COL4A4: variants seen among roughly 807,000 people sequenced by gnomAD.
COL4A4 encodes collagen type IV alpha 4 chain, also known as collagen alpha-4(IV) chain.
In COL4A4, 105 loss-of-function variants were observed where a neutral mutation model predicts 192.9. The ratio of observed to expected loss-of-function variants is 0.54; its 90% CI spans 0.46 to 0.64. The LOEUF (loss-of-function observed/expected upper bound fraction) is 0.64, where lower values mean the gene tolerates loss of function less well. Ranked by LOEUF, COL4A4 falls within the 30% of genes least tolerant of loss-of-function variation. The probability of loss-of-function intolerance (pLI) is 0.00; values close to 1 mark genes in which losing one functional copy is unlikely to be tolerated. For missense variants in COL4A4, 1,967 were observed against 2,169.3 expected (o/e 0.91, Z 1.85); for synonymous variants, 762 against 769.9 (o/e 0.99, Z 0.17).
intron 37 of COL4A4, among the ~76,000 whole-genome samples, chr2:227,041,840 GAAAGAAAGAGAAAGAAAGAAAGAAAGAA>G (rs1971252452): frequency 2.7e-5 from 2 of 73,058 alleles, no homozygotes; most frequent in Non-Finnish European, 5.0e-5. Flanking sequence ...AAGAAAGAAA[GAAAGAAAGAGAAAGAAAGAAAGAAAGAA>G]AGAAAGAAAG....
At position 227,069,696 on chromosome 2, in the gene COL4A4, T is replaced by C. The variant is rs149445654; in HGVS notation, c.1988-7098A>G. Among the ~76,000 whole-genome samples, 745 of 152,294 alleles carry C rather than the reference T, an allele frequency of 4.9e-3. 6 individuals carry two copies. Among genetic ancestry groups the C allele is most frequent in the African/African-American group, 0.017 (717 of 41,554 alleles). On this transcript the variant is annotated intron_variant, in intron 25 of 47. Coordinates refer to ENST00000396625, the MANE Select transcript of COL4A4 (RefSeq NM_000092.5). ...GAAAGCTGAAACCAGATCCCTTCCT[T>C]ACACCTTATACAAAAATCAATTCAA...
intron 28 of COL4A4, among the ~76,000 whole-genome samples, chr2:227,058,718 A>C (rs1172447781): frequency 6.6e-6 from 1 of 152,198 alleles, no homozygotes. Flanking sequence ...CCCACCCCAG[A>C]AATAATGAAT....
At chr2:226,978,886 T>C in the COL4A4 span, among the ~76,000 whole-genome samples, 3 of 152,124 alleles carry the variant, frequency 2.0e-5, no homozygotes, top group Non-Finnish European at 4.4e-5. Flanking sequence ...TCCCAGCTAC[T>C]GTGTGGAGAA....
chr2:226,989,352 A>C, the COL4A4 span, among the ~76,000 whole-genome samples: 1 of 152,210 alleles, frequency 6.6e-6, no homozygotes, highest in African/African-American at 2.4e-5. Context: ...CTATAGTTAG[A>C]AATCAGGATC....
At chr2:227,047,127 A>C (rs1302107151) in intron 35 of COL4A4, among the ~76,000 whole-genome samples, 1 of 152,020 alleles carries the variant, frequency 6.6e-6, no homozygotes, top group Non-Finnish European at 1.5e-5. Flanking sequence ...GCATCATTTT[A>C]AATGATAGAG....
rs892465920 is a variant in COL4A4, at chr2:227,076,126, G to GA, written c.1987+1767dup. Among the ~76,000 whole-genome samples, 14 of 151,134 alleles carry GA rather than the reference G, an allele frequency of 9.3e-5. No individual in the cohort carries two copies. The South Asian group carries it at 2.1e-3, about 23-fold the overall frequency. ...ATCATTGACTTTCTTCACAGAATTA[G>GA]AAAAAAAAATTACTTTAAATTTCAC... On this transcript the variant is annotated intron_variant, in intron 25 of 47. Transcript: ENST00000396625.
At chr2:227,030,789 G>A (rs1968120707) in intron 40 of COL4A4, among the ~76,000 whole-genome samples, 191 bp from the exon 41 acceptor site, 1 of 152,228 alleles carries the variant, frequency 6.6e-6, no homozygotes, top group Admixed American at 6.5e-5. Context: ...GAGAAATGGT[G>A]TAGATAATGG....
chr2:227,163,828 A>T (rs1427326003), intron 1 of COL4A4, among the ~76,000 whole-genome samples, 179 bp downstream of exon 1: 1 of 152,156 alleles, frequency 6.6e-6, no homozygotes, highest in Non-Finnish European at 1.5e-5. Flanking sequence ...CACAGCACCC[A>T]GTTAAAGCCC....
At chr2:227,135,324 C>T (rs1278443124) in intron 4 of COL4A4, among the ~76,000 whole-genome samples, 2 of 152,196 alleles carry the variant, frequency 1.3e-5, no homozygotes, top group African/African-American at 4.8e-5. Context: ...CCAGTCTCCT[C>T]CCCTCAGCCT....
chr2:227,024,016 AC>A (rs1350648109), intron 43 of COL4A4, among the ~76,000 whole-genome samples: 2 of 150,016 alleles, frequency 1.3e-5, no homozygotes, highest in Admixed American at 6.6e-5. Flanking sequence ...AAAAAAAAAA[AC>A]AAAAAACAAA....
At position 227,036,020 on chromosome 2, in the gene COL4A4, A is replaced by G. The variant is rs745531661; in HGVS notation, c.3506-2539T>C. Among the ~76,000 whole-genome samples the G allele has an allele frequency of 3.3e-5, 5 of 152,170 alleles. No homozygotes were observed. The South Asian group carries it at 8.3e-4, about 25-fold the overall frequency. ...CCTTTTTACTGAAAGCTTTTTATCA[A>G]TCCCATCTCTAAATCAGAAAGTTGT... On this transcript the variant is annotated intron_variant, in intron 37 of 47. Coordinates refer to ENST00000396625, the MANE Select transcript of COL4A4 (RefSeq NM_000092.5).
At chr2:227,118,927 A>C (rs1171051056) in intron 6 of COL4A4, among the ~76,000 whole-genome samples, 166 bp from the exon 7 acceptor site, 3 of 152,226 alleles carry the variant, frequency 2.0e-5, no homozygotes, top group African/African-American at 4.8e-5. Flanking sequence ...TGTAAAAATA[A>C]AACCTAAATT....
chr2:227,110,598 G>A (rs369109596), intron 9 of COL4A4, among the ~76,000 whole-genome samples: 1 of 151,268 alleles, frequency 6.6e-6, no homozygotes. Flanking sequence ...GGCTAGGCTG[G>A]TCTTGAACTC....
At position 227,005,290 on chromosome 2, in the gene COL4A4, T is replaced by A. The variant is rs530491908; in HGVS notation, c.*2035A>T. The A allele has an allele frequency of 5.9e-5, 9 of 152,236 alleles. No homozygotes were observed. Among genetic ancestry groups the A allele is most frequent in the Admixed American group, 5.2e-4 (8 of 15,298 alleles). The allele number at this position is 152,236 out of a possible 1,614,324, so 9.4% of individuals were successfully genotyped here. On this transcript the variant is annotated 3_prime_UTR_variant, in exon 48 of 48. Transcript: ENST00000396625. ...TGTTTAAAATAATTAGCAAGCAAGA[T>A]ACGTTTCTGATGTTCCATTTGTCAC...
rs1278748622 is a variant in COL4A4, at chr2:227,051,169, T to TG, written c.2969-12dup. ...GAGTTCCTTTATCACCTGATGAAGT[T>TG]GGAAGTGTTACAGGTCTCTGCTGAA... On this transcript the variant is annotated splice_polypyrimidine_tract_variant and intron_variant, in intron 32 of 47. Coordinates refer to ENST00000396625, the MANE Select transcript of COL4A4 (RefSeq NM_000092.5). The TG allele has an allele frequency of 5.6e-6, 9 of 1,613,920 alleles. No homozygotes were observed. The highest frequency in any genetic ancestry group is 7.6e-6 in the Non-Finnish European group (9 of 1,179,890).
chr2:227,145,924 A>T (rs574733792), intron 2 of COL4A4, among the ~76,000 whole-genome samples: 1 of 152,350 alleles, frequency 6.6e-6, no homozygotes, highest in African/African-American at 2.4e-5. Context: ...AATATAAAGG[A>T]GGTGTTAAAC....
At position 227,164,128 on chromosome 2, in the gene COL4A4, G is replaced by A. The variant is rs2065091098; in HGVS notation, c.-223C>T. On this transcript the variant is annotated 5_prime_UTR_variant, in exon 1 of 48. Transcript: ENST00000396625. This position sits in a 1 kb window ranked among gnomAD's most constrained non-coding sequence, Gnocchi z 4.8. ...CGGCGCTCTCGCAGCCAAGCCCGGC[G>A]GCCGCAAGTTGGAGGCGGGCTGGAG... is the stretch of plus-strand genomic sequence containing the variant. 6.6e-6 allele frequency: 1 copy of A among 152,398 alleles called. No individual in the cohort carries two copies. Among genetic ancestry groups the A allele is most frequent in the Admixed American group, 6.5e-5 (1 of 15,282 alleles). 9.4% of individuals were successfully genotyped at this position (152,398 alleles called of 1,614,324 possible).
At chr2:227,022,527 G>A (rs1240598682) in intron 43 of COL4A4, 2 of 550,586 alleles carry the variant, frequency 3.6e-6, no homozygotes, top group Non-Finnish European at 7.4e-6. Flanking sequence ...TTTTACTGGA[G>A]TAGCAGCCAC....
Position 227,119,474 on chromosome 2 carries a change from AAT to A in COL4A4, c.372+419_372+420del, listed in dbSNP as rs963369666. The stretch of plus-strand genomic sequence containing the variant: ...ATGTAAGATATAAGATACTATATAA[AAT>A]ATATGTAAGATAGCTATATATCGTA... On this transcript the variant is annotated intron_variant, in intron 6 of 47. Transcript: ENST00000396625. Among the ~76,000 whole-genome samples, 69 of 148,902 alleles carry A rather than the reference AAT, an allele frequency of 4.6e-4. 1 individual carries two copies. The highest frequency in any genetic ancestry group is 1.6e-3 in the African/African-American group (67 of 40,976).
Sources: allele counts gnomAD v4.1 joint callset (sites outside exome capture counted in the v4.1 genomes callset), GRCh38; gene constraint gnomAD v4.1.1; non-coding constraint Gnocchi (gnomAD v3.1); transcripts MANE v1.5; gene names NCBI Gene and HGNC (gene_info 2026-07-23, HGNC 2026-07-21).